The following ACOX3 variants were observed in gnomAD, a reference collection of about 807,000 sequenced individuals.
ACOX3 encodes the protein acyl-CoA oxidase 3, pristanoyl.
Under a neutral mutation model 81.5 loss-of-function variants are expected in ACOX3, and 73 were observed. The observed-to-expected ratio is 0.90, with a 90% CI of 0.74 to 1.09. The LOEUF (loss-of-function observed/expected upper bound fraction) is 1.09. ACOX3 is among the 50% of genes least tolerant of loss of function. ACOX3 has a pLI of 0.00. For missense variants in ACOX3, 947 were observed against 928.0 expected (o/e 1.02, Z -0.27); for synonymous variants, 387 against 375.1 (o/e 1.03, Z -0.37).
chr4:8,411,185 C>T (rs1362252076), intron 5 of ACOX3, among the ~76,000 whole-genome samples: 3 of 152,202 alleles, frequency 2.0e-5, no homozygotes, highest in Non-Finnish European at 2.9e-5. Context: ...AGACAGCCCG[C>T]AGGTGGCCCA....
chr4:8,403,559 T>G (rs28507650), intron 7 of ACOX3, among the ~76,000 whole-genome samples: 9,883 of 152,296 alleles, frequency 0.065, 509 homozygotes, highest in African/African-American at 0.14. Flanking sequence ...GGGGGCTCAG[T>G]GACCTGGCTT....
At chr4:8,409,100 T>TA (rs1376827832) in intron 6 of ACOX3, among the ~76,000 whole-genome samples, 1 of 152,162 alleles carries the variant, frequency 6.6e-6, no homozygotes, top group Admixed American at 6.5e-5. Flanking sequence ...CCTGTAACCT[T>TA]ACAATGAAAA....
At chr4:8,398,056 G>A (rs543708925) in intron 8 of ACOX3, among the ~76,000 whole-genome samples, 1 of 152,178 alleles carries the variant, frequency 6.6e-6, no homozygotes, top group Non-Finnish European at 1.5e-5. Flanking sequence ...AGCTACTCAG[G>A]AGGCTGATGC....
intron 11 of ACOX3, among the ~76,000 whole-genome samples, chr4:8,391,075 G>GTATATGTAT (rs1718944075): frequency 6.7e-6 from 1 of 149,814 alleles, no homozygotes; most frequent in Admixed American, 6.6e-5. Flanking sequence ...ATATGTATAT[G>GTATATGTAT]ATTAATCTTG....
rs1017955789 is a variant in ACOX3 at position 8,389,648 on chromosome 4, T to C, written c.1387A>G (p.Asn463Asp). 5.6e-6 allele frequency: 9 copies of C among 1,613,936 alleles called. No homozygotes were observed. The highest frequency in any genetic ancestry group is 2.7e-5 in the African/African-American group (2 of 74,906). ...DNNILLQQTS[N>D]YLLGLLAHQV... ...TGTGCCAGGAGACCCAGCAAATAGT[T>C]GCTTGTCTGCTGCAGCAGGATGTTG... Residue 463 changes from asparagine (N) to aspartate (D), a missense_variant, in exon 12 of 18, where the codon AAC becomes GAC. Transcript: ENST00000356406. This position sits in a 1 kb window ranked among gnomAD's most constrained non-coding sequence, Gnocchi z 5.3.
At chr4:8,372,874 C>T (rs553791967) in intron 16 of ACOX3, among the ~76,000 whole-genome samples, 1 of 152,202 alleles carries the variant, frequency 6.6e-6, no homozygotes, top group African/African-American at 2.4e-5. Flanking sequence ...CGCAGCAGCA[C>T]CAGCACCAGC....
At chr4:8,379,038 G>A (rs1717319234) in intron 14 of ACOX3, among the ~76,000 whole-genome samples, 1 of 152,180 alleles carries the variant, frequency 6.6e-6, no homozygotes, top group Admixed American at 6.5e-5. Flanking sequence ...TCTATCTGAA[G>A]GAATTCCTTC....
At chr4:8,375,245 T>C in intron 14 of ACOX3, 93 bp from the exon 15 acceptor site, 7 of 1,266,832 alleles carry the variant, frequency 5.5e-6, no homozygotes, top group South Asian at 1.5e-5. Flanking sequence ...CGAACGCGGG[T>C]CTGCGTTCCC....
rs1717636342 is a variant in ACOX3 at position 8,381,450 on chromosome 4, G to A, written c.1653+42C>T. The A allele has an allele frequency of 1.9e-6, 3 of 1,572,124 alleles. No homozygotes were observed. The highest frequency in any genetic ancestry group is 1.7e-6 in the Non-Finnish European group (2 of 1,143,988). The stretch of plus-strand genomic sequence containing the variant: ...AGGGACACAACGGCCAGGGAATTAA[G>A]AGCAAATAATACAAAAGGGAATTTT... On this transcript the variant is annotated intron_variant, in intron 14 of 17. Transcript: ENST00000356406. This position sits in a 1 kb window ranked among gnomAD's most constrained non-coding sequence, Gnocchi z 4.3.
chr4:8,428,081 T>C (rs1389766294), intron 1 of ACOX3, among the ~76,000 whole-genome samples: 2 of 152,246 alleles, frequency 1.3e-5, no homozygotes, highest in African/African-American at 4.8e-5. Flanking sequence ...CAGTCTTCTC[T>C]GCGATGTGAA....
chr4:8,361,097 T>C, the ACOX3 span, among the ~76,000 whole-genome samples: 1 of 151,980 alleles, frequency 6.6e-6, no homozygotes, highest in Non-Finnish European at 1.5e-5. Context: ...CACATGGAAA[T>C]GTGGATTTTT....
In ACOX3 at chr4:8,431,718, A is replaced by G. The variant is rs1723963619; in HGVS notation, c.-15+8930T>C. 6.6e-6 allele frequency among the ~76,000 whole-genome samples: 1 copy of G among 152,226 alleles called. No homozygotes were observed. Among genetic ancestry groups the G allele is most frequent in the South Asian group, 2.1e-4 (1 of 4,838 alleles). On this transcript the variant is annotated intron_variant, in intron 1 of 17. Coordinates refer to ENST00000356406, the MANE Select transcript of ACOX3 (RefSeq NM_003501.3). The surrounding 1 kb of genome is among the most constrained non-coding windows in gnomAD (Gnocchi z 5.3). ...AGTGTCATCAGTAACTCAGTGGACA[A>G]TGACCCACGGGAGCACTGCCATAGG...
At position 8,375,068 on chromosome 4, in the gene ACOX3, C is replaced by G. The variant is rs1375202122; in HGVS notation, c.1738G>C (p.Val580Leu). ...AGCACGGCCCGCAGCGAGGGCGGCA[C>G]GGAAGGCTGGTGCACGTGCTCGTGG... Reference protein sequence around the residue: ...RFHEHVHQPSVPPSLRAVLGR... With the variant: ...RFHEHVHQPSLPPSLRAVLGR... Residue 580 changes from valine to leucine, a missense_variant, in exon 15 of 18, where the codon GTG becomes CTG. Transcript: ENST00000356406. The G allele has an allele frequency of 6.4e-7, 1 of 1,554,556 alleles. No homozygotes were observed.
Position 8,440,708 on chromosome 4 carries a change from G to C in ACOX3, c.-75C>G, listed in dbSNP as rs893556577. The C allele has an allele frequency of 4.0e-6, 5 of 1,260,652 alleles. No individual in the cohort carries two copies. Among genetic ancestry groups the C allele is most frequent in the Non-Finnish European group, 2.1e-6 (2 of 969,006 alleles). 78.1% of individuals were successfully genotyped at this position (1,260,652 alleles called of 1,614,324 possible). A position where few individuals can be genotyped will look rare whatever the true frequency, so the allele number is the denominator to read the frequency against. The stretch of plus-strand genomic sequence containing the variant: ...CCAAAAGCAGGAAAGGATCTCCAGC[G>C]GCGCCATTCTCATTTCCGGTCCCAG... On this transcript the variant is annotated 5_prime_UTR_variant, in exon 1 of 18. Transcript: ENST00000356406.
chr4:8,402,162 G>A (rs1720440648), intron 7 of ACOX3, among the ~76,000 whole-genome samples: 2 of 152,376 alleles, frequency 1.3e-5, no homozygotes, highest in East Asian at 1.9e-4. Flanking sequence ...CACAGCGACA[G>A]TTTCCACACT....
rs564615378 is a variant in ACOX3 at position 8,431,510 on chromosome 4, G to A, written c.-15+9138C>T. On this transcript the variant is annotated intron_variant, in intron 1 of 17. Coordinates refer to ENST00000356406, the MANE Select transcript of ACOX3 (RefSeq NM_003501.3). The surrounding 1 kb of genome is among the most constrained non-coding windows in gnomAD (Gnocchi z 5.3). ...GGAGGTAGGAAGAGAGGAAGGGGTC[G>A]TGCTACACTCTGTTGTATTTGGGAC... is the stretch of plus-strand genomic sequence containing the variant. Among the ~76,000 whole-genome samples, 17 of 152,340 alleles carry A rather than the reference G, an allele frequency of 1.1e-4. No individual in the cohort carries two copies. The highest frequency in any genetic ancestry group is 2.9e-4 in the African/African-American group (12 of 41,572).
chr4:8,383,229 G>T (rs937934015), intron 13 of ACOX3, among the ~76,000 whole-genome samples: 5 of 152,232 alleles, frequency 3.3e-5, no homozygotes, highest in African/African-American at 9.6e-5. Context: ...GGCACAGGCA[G>T]GGTTGGGCGG....
At chr4:8,408,956 A>T (rs1370821459) in intron 6 of ACOX3, among the ~76,000 whole-genome samples, 1 of 138,560 alleles carries the variant, frequency 7.2e-6, no homozygotes, top group Non-Finnish European at 1.5e-5. Context: ...CAGCATCAGT[A>T]TGGAGTTAAA....
chr4:8,371,073 G>A (rs1486077910), intron 16 of ACOX3, 79 bp from the exon 17 acceptor site: 4 of 1,395,588 alleles, frequency 2.9e-6, no homozygotes, highest in African/African-American at 2.8e-5. Context: ...CCCCGTGTGT[G>A]GTTGCCAGGA....
Sources: allele counts gnomAD v4.1 joint callset (sites outside exome capture counted in the v4.1 genomes callset), GRCh38; gene constraint gnomAD v4.1.1; non-coding constraint Gnocchi (gnomAD v3.1); transcripts MANE v1.5; gene names NCBI Gene and HGNC (gene_info 2026-07-23, HGNC 2026-07-21).